RRM2: variants seen among roughly 807,000 people sequenced by gnomAD.
The protein encoded by RRM2 is ribonucleotide reductase regulatory subunit M2, also known as ribonucleoside-diphosphate reductase subunit M2.
RRM2 carries 6 observed loss-of-function variants against 45.9 expected under a neutral mutation model. The observed-to-expected ratio is 0.13, with a 90% CI of 0.07 to 0.26. The LOEUF (loss-of-function observed/expected upper bound fraction) is 0.26, where lower values mean the gene tolerates loss of function less well. Among genes scored for constraint, RRM2 ranks in the 10% least tolerant of loss-of-function variants. The pLI, the probability that RRM2 is intolerant of heterozygous loss-of-function variation, is 1.00. For missense variants in RRM2, 343 were observed against 489.5 expected, an observed-to-expected ratio of 0.70 and a Z score of 2.82; for synonymous variants, 177 against 173.0, an observed-to-expected ratio of 1.02 and a Z score of -0.18.
At chr2:10,132,768 G>A (rs1662924006), downstream of RRM2, among the ~76,000 whole-genome samples, 1 of 152,184 alleles carries the variant, frequency 6.6e-6, no homozygotes, top group Non-Finnish European at 1.5e-5. Context: ...GGTTGGCGCT[G>A]GGCCTATTGC....
At position 10,175,522 on chromosome 2, in the gene RRM2, A is replaced by T. The variant is rs375345366; in HGVS notation, n.482+33147A>T. Among the ~76,000 whole-genome samples the T allele has an allele frequency of 1.2e-4, 18 of 152,272 alleles. No homozygotes were observed. The South Asian group carries it at 2.7e-3, about 23-fold the overall frequency. On this transcript the variant is annotated intron_variant and non_coding_transcript_variant, in intron 3 of 3. Coordinates refer to the RRM2 transcript ENST00000381786. ...AAACTAAACTCCATACTCATTAAAC[A>T]CTAACTCTGTATTCCCTCCTCCCCG...
chr2:10,187,918 C>T (rs1387849160), intron 3 of RRM2, among the ~76,000 whole-genome samples: 3 of 152,208 alleles, frequency 2.0e-5, no homozygotes, highest in Non-Finnish European at 4.4e-5. Context: ...GGCCTGGGAG[C>T]ATCAGCTTCC....
intron 3 of RRM2, among the ~76,000 whole-genome samples, chr2:10,190,286 G>C (rs962336631): frequency 6.6e-6 from 1 of 150,458 alleles, no homozygotes; most frequent in African/African-American, 2.4e-5. Flanking sequence ...TGGTGGAGGT[G>C]ATGGTGGGGT....
intron 3 of RRM2, among the ~76,000 whole-genome samples, chr2:10,143,946 G>A (rs534195465): frequency 5.9e-5 from 9 of 152,286 alleles, no homozygotes; most frequent in South Asian, 2.1e-4. Context: ...GATTACAGGC[G>A]TGAGCCACCA....
At position 10,199,797 on chromosome 2, in the gene RRM2, A is replaced by AC. The variant is rs1455647294; in HGVS notation, n.483-10514_483-10513insC. ...TCAGTCTCAAAAAAAAAAAAAAAAAAAAAAAAAAAAAACAAATCATGGTAT... is the reference window on the plus strand; with the variant it reads ...TCAGTCTCAAAAAAAAAAAAAAAAAACAAAAAAAAAAAACAAATCATGGTAT... On this transcript the variant is annotated intron_variant and non_coding_transcript_variant, in intron 3 of 3. Transcript: ENST00000381786. Among the ~76,000 whole-genome samples, 212 of 149,404 alleles carry AC rather than the reference A, an allele frequency of 1.4e-3. 17 individuals carry two copies. Among genetic ancestry groups the AC allele is most frequent in the South Asian group, 3.7e-3 (17 of 4,654 alleles).
chr2:10,199,293 G>GGGT (rs1664487830), intron 3 of RRM2: 1 of 135,762 alleles, frequency 7.4e-6, no homozygotes, highest in Non-Finnish European at 1.6e-5. Flanking sequence ...AAAAAAGGGG[G>GGGT]GGGGGAAGGA....
intron 3 of RRM2, among the ~76,000 whole-genome samples, chr2:10,161,454 C>T (rs1410356181): frequency 1.3e-5 from 2 of 152,196 alleles, no homozygotes; most frequent in South Asian, 2.1e-4. Flanking sequence ...CCCGCGTGCA[C>T]GAGGGGCACA....
chr2:10,147,817 T>C (rs1663221322), intron 3 of RRM2, among the ~76,000 whole-genome samples: 1 of 152,194 alleles, frequency 6.6e-6, no homozygotes, highest in African/African-American at 2.4e-5. Context: ...CTTTTTCTTA[T>C]TTTTGCCCCC....
At chr2:10,190,616 AATG>A (rs1664281797) in intron 3 of RRM2, among the ~76,000 whole-genome samples, 1 of 124,220 alleles carries the variant, frequency 8.1e-6, no homozygotes, top group African/African-American at 3.1e-5. Flanking sequence ...TGATGGTGGT[AATG>A]ATGGTGGCAA....
chr2:10,151,783 T>C (rs951003652), intron 3 of RRM2, among the ~76,000 whole-genome samples: 12 of 152,204 alleles, frequency 7.9e-5, no homozygotes, highest in African/African-American at 2.9e-4. Flanking sequence ...TGGCCAATCT[T>C]TTACATTTTA....
chr2:10,136,799 C>T (rs755048054), upstream of RRM2, among the ~76,000 whole-genome samples: 58 of 152,108 alleles, frequency 3.8e-4, no homozygotes, highest in Non-Finnish European at 7.1e-4. Context: ...GCCATAGCCC[C>T]TGGGAGTCTA....
At chr2:10,197,616 G>A (rs532974483) in intron 3 of RRM2, among the ~76,000 whole-genome samples, 3 of 152,158 alleles carry the variant, frequency 2.0e-5, no homozygotes, top group African/African-American at 2.4e-5. Context: ...AGGGGGGCTG[G>A]GCGGTGGGCC....
chr2:10,141,653 T>C lies in RRM2; in HGVS notation n.260+12T>C, dbSNP rs908047012. 3 of 681,494 alleles carry C rather than the reference T, an allele frequency of 4.4e-6. No individual in the cohort carries two copies. In the African/African-American group the frequency reaches 5.4e-5, roughly 12 times the overall value. 42.2% of individuals were successfully genotyped at this position (681,494 alleles called of 1,614,324 possible). Reference sequence around the variant, plus strand: ...TCACACGGAGGAGGGTATGATTAGCTCTGGGAAGCGGGGAGGCAGGAAGGA... The same window carrying C: ...TCACACGGAGGAGGGTATGATTAGCCCTGGGAAGCGGGGAGGCAGGAAGGA... On this transcript the variant is annotated intron_variant and non_coding_transcript_variant, in intron 1 of 3. Transcript: ENST00000381786.
At chr2:10,154,261 G>A (rs1321514393) in intron 3 of RRM2, among the ~76,000 whole-genome samples, 1 of 152,104 alleles carries the variant, frequency 6.6e-6, no homozygotes, top group African/African-American at 2.4e-5. Flanking sequence ...ATCGCTTGAG[G>A]TCAGGGGTTC....
At chr2:10,162,794 A>G (rs1011535476) in intron 3 of RRM2, among the ~76,000 whole-genome samples, 4 of 152,152 alleles carry the variant, frequency 2.6e-5, no homozygotes, top group African/African-American at 9.7e-5. Flanking sequence ...CATCTTGACA[A>G]TAAGGCCATT....
At chr2:10,136,960 C>G (rs1572494578), upstream of RRM2, among the ~76,000 whole-genome samples, 1 of 152,220 alleles carries the variant, frequency 6.6e-6, no homozygotes, top group African/African-American at 2.4e-5. Context: ...GAAAGGAGAG[C>G]TGATCTACAG....
intron 3 of RRM2, among the ~76,000 whole-genome samples, chr2:10,154,746 A>G (rs1663390980): frequency 8.2e-6 from 1 of 122,680 alleles, no homozygotes; most frequent in South Asian, 2.7e-4. Context: ...CCCAGGCTGG[A>G]GTGCAGTGGC....
At chr2:10,176,467 C>A (rs1052891454) in intron 3 of RRM2, among the ~76,000 whole-genome samples, 2 of 152,096 alleles carry the variant, frequency 1.3e-5, no homozygotes, top group Admixed American at 6.5e-5. Context: ...GGGGTTTCTC[C>A]ATGTTGGTCA....
intron 3 of RRM2, among the ~76,000 whole-genome samples, chr2:10,206,156 G>A (rs752242005): frequency 2.0e-5 from 3 of 151,188 alleles, no homozygotes; most frequent in Non-Finnish European, 4.4e-5. Context: ...TGAGGCAGGA[G>A]AATGGCGTGA....
Sources: allele counts gnomAD v4.1 joint callset (sites outside exome capture counted in the v4.1 genomes callset), GRCh38; gene constraint gnomAD v4.1.1; transcripts MANE v1.5; gene names NCBI Gene and HGNC (gene_info 2026-07-23, HGNC 2026-07-21).